NTRK3: variants seen among roughly 807,000 people sequenced by gnomAD.
NTRK3 encodes NT-3 growth factor receptor.
In NTRK3, 24 loss-of-function variants were observed where a neutral mutation model predicts 91.7. The ratio of observed to expected loss-of-function variants is 0.26; its 90% CI spans 0.19 to 0.37. NTRK3 has a LOEUF of 0.37. Among genes scored for constraint, NTRK3 ranks in the 10% least tolerant of loss-of-function variants. The pLI, the probability that NTRK3 is intolerant of heterozygous loss-of-function variation, is 1.00. For synonymous variants in NTRK3, 483 were observed against 404.0 expected (o/e 1.20, Z -2.34); for missense variants, 880 against 1,068.9 (o/e 0.82, Z 2.46).
At chr15:87,871,264 T>C (rs2064821488) in exon 19 of NTRK3, 2 of 231,212 alleles carry the variant, frequency 8.7e-6, no homozygotes, top group African/African-American at 2.2e-5. Context: ...GAAAATATGC[T>C]TGAGGAGAAT....
At chr15:88,168,344 C>T (rs907770095) in intron 5 of NTRK3, among the ~76,000 whole-genome samples, 2 of 151,266 alleles carry the variant, frequency 1.3e-5, no homozygotes, top group Non-Finnish European at 2.9e-5. Flanking sequence ...ATGAGGGAGC[C>T]GGGGGAGAAG....
chr15:88,142,150 C>T (rs1358069458), intron 6 of NTRK3, among the ~76,000 whole-genome samples: 1 of 151,918 alleles, frequency 6.6e-6, no homozygotes, highest in Non-Finnish European at 1.5e-5. Flanking sequence ...AAGACCGGCA[C>T]ATCCTAAATC....
At chr15:88,045,583 C>A (rs966453750) in intron 13 of NTRK3, among the ~76,000 whole-genome samples, 7 of 152,236 alleles carry the variant, frequency 4.6e-5, no homozygotes, top group African/African-American at 1.7e-4. Context: ...ATAACAACCA[C>A]AACAAAACAC....
chr15:88,101,962 A>G (rs544626942), intron 13 of NTRK3, among the ~76,000 whole-genome samples: 3 of 152,288 alleles, frequency 2.0e-5, no homozygotes, highest in East Asian at 3.9e-4. Context: ...ACATGTATAC[A>G]TATGTAACAA....
At chr15:87,921,166 G>C (rs2067838525) in intron 17 of NTRK3, among the ~76,000 whole-genome samples, 1 of 152,100 alleles carries the variant, frequency 6.6e-6, no homozygotes, top group Non-Finnish European at 1.5e-5. Flanking sequence ...CTCGGGAATG[G>C]AATACAACGC....
At chr15:87,989,419 C>T (rs933767347) in intron 14 of NTRK3, among the ~76,000 whole-genome samples, 9 of 152,104 alleles carry the variant, frequency 5.9e-5, no homozygotes, top group South Asian at 2.1e-4. Context: ...AACCAAACAC[C>T]ACATGTTCTC....
exon 19 of NTRK3, chr15:87,864,766 A>C (rs1429375003): frequency 4.4e-6 from 1 of 229,182 alleles, no homozygotes; most frequent in Admixed American, 5.7e-5. Context: ...TAAGGAAGAT[A>C]TGCCTCAAAA....
At chr15:88,136,410 G>A in intron 8 of NTRK3, 57 bp downstream of exon 8, 1 of 1,611,256 alleles carries the variant, frequency 6.2e-7, no homozygotes, top group South Asian at 1.1e-5. Flanking sequence ...TCTTCTTCAA[G>A]ACTACAGTGT....
At chr15:88,031,846 G>C (rs548775516) in intron 14 of NTRK3, among the ~76,000 whole-genome samples, 3 of 152,154 alleles carry the variant, frequency 2.0e-5, no homozygotes, top group African/African-American at 7.2e-5. Flanking sequence ...CTGCCCAGGG[G>C]CTGAGCAAGA....
chr15:88,087,803 C>T (rs1312901907), intron 13 of NTRK3, among the ~76,000 whole-genome samples: 1 of 152,188 alleles, frequency 6.6e-6, no homozygotes, highest in Non-Finnish European at 1.5e-5. Flanking sequence ...AATCCCAGCA[C>T]TTTGGGAGGT....
At chr15:88,082,755 C>T (rs1001823742) in intron 13 of NTRK3, among the ~76,000 whole-genome samples, 1 of 152,158 alleles carries the variant, frequency 6.6e-6, no homozygotes, top group African/African-American at 2.4e-5. Context: ...CCCAAGAGAC[C>T]TACAGGTCCC....
intron 5 of NTRK3, among the ~76,000 whole-genome samples, chr15:88,172,679 A>G (rs1202076420): frequency 6.6e-6 from 1 of 152,238 alleles, no homozygotes; most frequent in East Asian, 1.9e-4. Flanking sequence ...TATCACAAAC[A>G]TGCAGTGGGC....
chr15:88,177,593 T>C (rs1025848286), intron 5 of NTRK3, among the ~76,000 whole-genome samples: 7 of 152,120 alleles, frequency 4.6e-5, no homozygotes, highest in African/African-American at 7.2e-5. Context: ...ACAAGAAGCA[T>C]TGAGGAAGAA....
At chr15:88,009,451 C>A (rs1036435940) in intron 14 of NTRK3, among the ~76,000 whole-genome samples, 1 of 152,172 alleles carries the variant, frequency 6.6e-6, no homozygotes, top group Non-Finnish European at 1.5e-5. Flanking sequence ...TACGTTCCAC[C>A]TAATGGTTGC....
chr15:88,057,175 AAAAAAAAAG>A, intron 13 of NTRK3, among the ~76,000 whole-genome samples: 1 of 149,642 alleles, frequency 6.7e-6, no homozygotes, highest in Middle Eastern at 3.2e-3. Context: ...TCTCAAAAAA[AAAAAAAAAG>A]AAAAAAAGAA....
intron 15 of NTRK3, among the ~76,000 whole-genome samples, chr15:87,933,481 T>C (rs1293455986): frequency 6.6e-6 from 1 of 152,226 alleles, no homozygotes; most frequent in Non-Finnish European, 1.5e-5. Context: ...TGAGTGTACA[T>C]GGCAGCTGGA....
At chr15:87,985,051 T>C (rs2074628777) in intron 14 of NTRK3, among the ~76,000 whole-genome samples, 3 of 152,138 alleles carry the variant, frequency 2.0e-5, no homozygotes. Flanking sequence ...GCCCCTAAAA[T>C]ACCAAACTTA....
intron 18 of NTRK3, 139 bp downstream of exon 19, chr15:87,880,131 T>C (rs1349319726): frequency 2.8e-6 from 3 of 1,058,168 alleles, no homozygotes; most frequent in Non-Finnish European, 4.4e-6. Context: ...TAAGAAGCTC[T>C]CTGCTCCCAC....
At chr15:88,154,442 A>T (rs1216129346) in intron 5 of NTRK3, among the ~76,000 whole-genome samples, 1 of 152,192 alleles carries the variant, frequency 6.6e-6, no homozygotes, top group Non-Finnish European at 1.5e-5. Context: ...GCCGCCCAAC[A>T]TTCTTCTTGA....
Sources: gnomAD v4.1 joint callset for allele counts (sites outside exome capture counted in the v4.1 genomes callset) on GRCh38, gnomAD v4.1.1 for gene constraint, MANE v1.5 for transcripts, NCBI Gene and HGNC (gene_info 2026-07-23, HGNC 2026-07-21) for gene names.